The following MLLT10 variants were observed in gnomAD, a reference collection of about 807,000 sequenced individuals.
MLLT10 encodes the protein protein AF-10.
A neutral mutation model predicts 129.1 loss-of-function variants in MLLT10; 30 were observed. That is an observed-to-expected ratio of 0.23 (90% CI 0.17 to 0.32). The LOEUF is 0.32. MLLT10 is among the 10% of genes least tolerant of loss of function. MLLT10 has a pLI of 1.00. For synonymous variants in MLLT10, 490 were observed against 446.4 expected, an observed-to-expected ratio of 1.10 and a Z score of -1.23; for missense variants, 1,119 against 1,268.3, an observed-to-expected ratio of 0.88 and a Z score of 1.79.
chr10:21,695,118 G>A (rs2054238285), intron 13 of MLLT10, among the ~76,000 whole-genome samples: 2 of 146,052 alleles, frequency 1.4e-5, no homozygotes, highest in African/African-American at 5.1e-5. Context: ...GTCCAAGGCT[G>A]GAGTGCAGTG....
chr10:21,594,324 C>T lies in MLLT10; in HGVS notation c.296-1007C>T, dbSNP rs1255397090. Among the ~76,000 whole-genome samples the T allele has an allele frequency of 4.0e-5, 6 of 151,602 alleles. No homozygotes were observed. In the East Asian group the frequency reaches 7.8e-4, roughly 20 times the overall value. On this transcript the variant is annotated intron_variant, in intron 4 of 22. Coordinates refer to ENST00000307729, the MANE Select transcript of MLLT10 (RefSeq NM_001195626.3). ...CATCACTTGGGGAGGCTGAGGTGGG[C>T]GGATCACCTGAGGTCGGGAGTTCAA... is the stretch of plus-strand genomic sequence containing the variant.
At chr10:21,699,259 GT>G (rs1336302225) in intron 13 of MLLT10, among the ~76,000 whole-genome samples, 3 of 140,628 alleles carry the variant, frequency 2.1e-5, no homozygotes, top group Non-Finnish European at 4.6e-5. Context: ...TTTAATTGTT[GT>G]TTGAGTTCCT....
intron 4 of MLLT10, 70 bp downstream of exon 4, chr10:21,586,418 G>A: frequency 8.8e-7 from 1 of 1,135,620 alleles, no homozygotes; most frequent in South Asian, 1.4e-5. Flanking sequence ...CAAATATTTG[G>A]TAGTTTATTT....
intron 21 of MLLT10, 124 bp from the exon 22 acceptor site, chr10:21,739,906 G>C: frequency 1.4e-6 from 1 of 736,938 alleles, no homozygotes. Context: ...TTTTCTAGAT[G>C]AGATACTTGT....
intron 2 of MLLT10, among the ~76,000 whole-genome samples, chr10:21,535,734 T>C (rs2033861123): frequency 6.6e-6 from 1 of 152,200 alleles, no homozygotes; most frequent in African/African-American, 2.4e-5. Context: ...TTTCTGAATC[T>C]GGCATTAAGC....
At chr10:21,551,100 T>C (rs1164220419) in intron 3 of MLLT10, among the ~76,000 whole-genome samples, 1 of 151,806 alleles carries the variant, frequency 6.6e-6, no homozygotes, top group Admixed American at 6.6e-5. Flanking sequence ...CTGATTTTTG[T>C]GTTTTTAGTA....
intron 14 of MLLT10, among the ~76,000 whole-genome samples, chr10:21,724,510 C>G (rs934971136): frequency 2.0e-5 from 3 of 152,178 alleles, no homozygotes; most frequent in Non-Finnish European, 4.4e-5. Flanking sequence ...TGCTTTAGTT[C>G]TTTGCCGATA....
At chr10:21,606,160 C>T (rs1368682800) in intron 5 of MLLT10, among the ~76,000 whole-genome samples, 1 of 152,110 alleles carries the variant, frequency 6.6e-6, no homozygotes, top group Non-Finnish European at 1.5e-5. Context: ...GACTGCTGTA[C>T]CAGCTGGCTG....
rs1399750143 is a variant in MLLT10, at chr10:21,673,870, G to C, written c.1572G>C (p.Arg524Ser). The change falls in exon 11 of 23, where the codon AGG becomes AGC. Residue 524 changes from arginine (R) to serine (S), a missense_variant. This residue lies in a region of MLLT10 where 1,004 missense variants were observed against 1,008.7 expected (regional missense o/e 1.00). Transcript: ENST00000307729. Reference sequence around the variant, plus strand: ...TGCAGAAATCTCCTACATTGCTCAGGAATGGAAGTTTACAGAGCCTCAGTG... The same window carrying C: ...TGCAGAAATCTCCTACATTGCTCAGCAATGGAAGTTTACAGAGCCTCAGTG... ...SSLQKSPTLL[R>S]NGSLQSLSVG... The C allele has an allele frequency of 1.2e-6, 2 of 1,612,846 alleles. No homozygotes were observed. The highest frequency in any genetic ancestry group is 1.7e-5 in the Admixed American group (1 of 59,828).
Position 21,733,440 on chromosome 10 carries a change from T to C in MLLT10, c.2408-64T>C, listed in dbSNP as rs41277388. On this transcript the variant is annotated intron_variant, in intron 18 of 22. Coordinates refer to ENST00000307729, the MANE Select transcript of MLLT10 (RefSeq NM_001195626.3). The stretch of plus-strand genomic sequence containing the variant: ...CAGCATAAGCTTTTTAATAAGCCTT[T>C]AATCTTACACATAATGTAATTTAAT... The C allele has an allele frequency of 9.1e-3, 9,609 of 1,061,072 alleles. 89 individuals carry two copies. The highest frequency in any genetic ancestry group is 0.012 in the Middle Eastern group (38 of 3,244). The allele number at this position is 1,061,072 out of a possible 1,614,324, so 65.7% of individuals were successfully genotyped here.
intron 18 of MLLT10, 90 bp downstream of exon 18, chr10:21,733,177 A>T: frequency 7.8e-7 from 1 of 1,280,808 alleles, no homozygotes; most frequent in Non-Finnish European, 1.1e-6. Flanking sequence ...GTCACCAGTT[A>T]TATGAAGATG....
chr10:21,596,632 A>G (rs2043039290), intron 5 of MLLT10, among the ~76,000 whole-genome samples: 1 of 151,032 alleles, frequency 6.6e-6, no homozygotes, highest in Non-Finnish European at 1.5e-5. Flanking sequence ...TATTCTTTCT[A>G]GTAAAAAAAA....
At chr10:21,708,696 T>G (rs2055780409) in intron 13 of MLLT10, 12 of 985,192 alleles carry the variant, frequency 1.2e-5, no homozygotes, top group African/African-American at 1.7e-5. Flanking sequence ...CAATTTAAGT[T>G]TTGAGATTGA....
intron 8 of MLLT10, among the ~76,000 whole-genome samples, chr10:21,622,662 A>G (rs763771273): frequency 4.6e-5 from 7 of 152,232 alleles, no homozygotes; most frequent in Non-Finnish European, 1.0e-4. Flanking sequence ...GTTGATTAGT[A>G]AAAGGAAAGC....
intron 13 of MLLT10, among the ~76,000 whole-genome samples, chr10:21,686,913 G>A (rs2053355707): frequency 6.6e-6 from 1 of 152,078 alleles, no homozygotes; most frequent in South Asian, 2.1e-4. Context: ...AACCCAGGAG[G>A]CGAAGGTTGC....
intron 8 of MLLT10, among the ~76,000 whole-genome samples, chr10:21,621,445 C>G (rs1190787163): frequency 6.6e-6 from 1 of 152,096 alleles, no homozygotes; most frequent in African/African-American, 2.4e-5. Context: ...CGGGGTTTCA[C>G]CGTGTTAGCC....
chr10:21,713,734 T>C, intron 13 of MLLT10, 38 bp from the exon 14 acceptor site: 1 of 1,568,306 alleles, frequency 6.4e-7, no homozygotes, highest in Non-Finnish European at 8.7e-7. Flanking sequence ...CAAATTTGAC[T>C]GCTAAGTTAT....
chr10:21,544,708 A>G (rs1227288825), intron 3 of MLLT10, among the ~76,000 whole-genome samples: 1 of 152,210 alleles, frequency 6.6e-6, no homozygotes, highest in Admixed American at 6.5e-5. Context: ...GAATAATCAA[A>G]GATGATTCTT....
At chr10:21,636,644 A>G (rs746999656) in intron 8 of MLLT10, among the ~76,000 whole-genome samples, 79 of 150,438 alleles carry the variant, frequency 5.3e-4, no homozygotes, top group Non-Finnish European at 7.8e-4. Flanking sequence ...GTGCGATCTT[A>G]GCTCACTGCA....
Sources: allele counts gnomAD v4.1 joint callset (sites outside exome capture counted in the v4.1 genomes callset), GRCh38; gene constraint gnomAD v4.1.1; regional missense constraint gnomAD v4.1.1; transcripts MANE v1.5; gene names NCBI Gene and HGNC (gene_info 2026-07-23, HGNC 2026-07-21).